Variants in MAP7 observed in about 807,000 individuals in gnomAD.
MAP7 encodes the protein microtubule associated protein 7.
In MAP7, 52 loss-of-function variants were observed where a neutral mutation model predicts 94.8. The observed-to-expected ratio is 0.55, with a 90% CI of 0.44 to 0.69. The LOEUF is 0.69. Among genes scored for constraint, MAP7 ranks in the 30% least tolerant of loss-of-function variants. The pLI is 0.00. For synonymous variants in MAP7, 350 were observed against 357.0 expected, an observed-to-expected ratio of 0.98 and a Z score of 0.22; for missense variants, 940 against 964.6, an observed-to-expected ratio of 0.97 and a Z score of 0.34.
At chr6:136,503,257 C>T (rs1820334942) in intron 1 of MAP7, among the ~76,000 whole-genome samples, 1 of 152,116 alleles carries the variant, frequency 6.6e-6, no homozygotes, top group Non-Finnish European at 1.5e-5. Flanking sequence ...ATGTACTTTG[C>T]TTTTTCTCTG....
Position 136,359,789 on chromosome 6 carries a change from T to A in MAP7, c.1912+31A>T, listed in dbSNP as rs776295535. On this transcript the variant is annotated intron_variant, in intron 15 of 17. Coordinates refer to ENST00000354570, the MANE Select transcript of MAP7 (RefSeq NM_003980.6). ...AGAGTCAATTTAAACATTTTATATA[T>A]AAATTGGTTTGAGTTCATTGACAGA... 4 of 1,593,374 alleles carry A rather than the reference T, an allele frequency of 2.5e-6. No individual in the cohort carries two copies. The South Asian group carries it at 4.5e-5, about 18-fold the overall frequency.
At chr6:136,447,568 G>A (rs575597871) in intron 1 of MAP7, among the ~76,000 whole-genome samples, 12 of 152,132 alleles carry the variant, frequency 7.9e-5, no homozygotes, top group African/African-American at 2.4e-4. Context: ...AGGAAAAAAT[G>A]TTTTAATATT....
chr6:136,354,997 G>A (rs1476949765), intron 16 of MAP7, among the ~76,000 whole-genome samples: 1 of 152,136 alleles, frequency 6.6e-6, no homozygotes, highest in African/African-American at 2.4e-5. Context: ...GCCAAGATGG[G>A]TGGATCACTT....
At chr6:136,522,771 C>T (rs1281949940) in intron 1 of MAP7, among the ~76,000 whole-genome samples, 2 of 152,200 alleles carry the variant, frequency 1.3e-5, no homozygotes, top group African/African-American at 4.8e-5. Context: ...GTGGCTCACG[C>T]CTGTAATCCC....
chr6:136,391,747 A>G (rs1384117707), intron 3 of MAP7, among the ~76,000 whole-genome samples: 1 of 152,168 alleles, frequency 6.6e-6, no homozygotes, highest in Non-Finnish European at 1.5e-5. Context: ...CACTGTGAGA[A>G]CACACTTTAA....
intron 1 of MAP7, among the ~76,000 whole-genome samples, chr6:136,428,474 C>A (rs1793913102): frequency 6.6e-6 from 1 of 152,064 alleles, no homozygotes; most frequent in South Asian, 2.1e-4. Context: ...GATCCGAGAT[C>A]CCGCCACTGC....
At chr6:136,417,097 C>T (rs1041912946) in intron 2 of MAP7, among the ~76,000 whole-genome samples, 16 of 152,094 alleles carry the variant, frequency 1.1e-4, no homozygotes, top group Admixed American at 3.3e-4. Context: ...CCAGCCTGGG[C>T]GACGGAGTGA....
chr6:136,379,947 C>T (rs550351168), intron 6 of MAP7, among the ~76,000 whole-genome samples: 4 of 152,058 alleles, frequency 2.6e-5, no homozygotes, highest in Admixed American at 1.3e-4. Context: ...ACAGAGCGTC[C>T]GTAAGATAAC....
At chr6:136,371,654 G>A (rs1211612752) in intron 8 of MAP7, among the ~76,000 whole-genome samples, 1 of 152,148 alleles carries the variant, frequency 6.6e-6, no homozygotes, top group Admixed American at 6.5e-5. Context: ...TCATCAAAAG[G>A]GTCATACTGT....
At chr6:136,475,977 A>T (rs1393701697) in intron 1 of MAP7, 1 of 152,210 alleles carries the variant, frequency 6.6e-6, no homozygotes, top group Admixed American at 6.5e-5. Flanking sequence ...ATTCTATGAA[A>T]CCATCAAATT....
intron 1 of MAP7, chr6:136,526,541 C>G (rs1164143044): frequency 1.0e-6 from 1 of 985,452 alleles, no homozygotes; most frequent in Non-Finnish European, 1.2e-6. Context: ...GCGGCTCCAT[C>G]TCCCCAGCTG....
intron 1 of MAP7, among the ~76,000 whole-genome samples, chr6:136,544,777 G>C (rs1006204207): frequency 2.0e-5 from 3 of 152,136 alleles, no homozygotes. Flanking sequence ...AAAGCAGAGA[G>C]GTTTTTTTCC....
intron 5 of MAP7, among the ~76,000 whole-genome samples, chr6:136,385,071 T>C (rs1017883675): frequency 6.6e-6 from 1 of 152,218 alleles, no homozygotes; most frequent in Admixed American, 6.5e-5. Flanking sequence ...AAAACAAAAA[T>C]ACTCCTTGTG....
At chr6:136,437,902 A>T (rs1481361412) in intron 1 of MAP7, among the ~76,000 whole-genome samples, 1 of 152,178 alleles carries the variant, frequency 6.6e-6, no homozygotes, top group East Asian at 1.9e-4. Flanking sequence ...ATTATTATAA[A>T]CCTTTATGAC....
intron 1 of MAP7, among the ~76,000 whole-genome samples, chr6:136,430,606 G>A (rs966073820): frequency 2.6e-5 from 4 of 152,062 alleles, no homozygotes; most frequent in South Asian, 2.1e-4. Context: ...TGTAAACTTC[G>A]TAAAATTTAA....
rs149293458 is a variant in MAP7 at position 136,501,674 on chromosome 6, T to A, written c.67+48668A>T. Among the ~76,000 whole-genome samples the A allele has an allele frequency of 7.2e-5, 11 of 152,282 alleles. No individual in the cohort carries two copies. In the East Asian group the frequency reaches 1.3e-3, roughly 19 times the overall value. On this transcript the variant is annotated intron_variant, in intron 1 of 17. Transcript: ENST00000354570. ...TGGCTTTTTTTATATATTGCACATG[T>A]CAAACTTAAGTTACGCAATGATCAG...
In MAP7 at chr6:136,395,615, C is replaced by A. The variant is rs79368089; in HGVS notation, c.245-6098G>T. On this transcript the variant is annotated intron_variant, in intron 3 of 17. Coordinates refer to ENST00000354570, the MANE Select transcript of MAP7 (RefSeq NM_003980.6). ...GTTGTCTTTGCTTTTGAGGTCTTAC[C>A]CCAAAACTCTTTGTTCAGACCAATG... Among the ~76,000 whole-genome samples, 974 of 151,894 alleles carry A rather than the reference C, an allele frequency of 6.4e-3. 8 individuals are homozygous for A. The highest frequency in any genetic ancestry group is 0.023 in the African/African-American group (938 of 41,416).
At chr6:136,352,288 C>T (rs1330386081) in intron 16 of MAP7, among the ~76,000 whole-genome samples, 4 of 151,432 alleles carry the variant, frequency 2.6e-5, no homozygotes, top group Admixed American at 6.6e-5. Context: ...CCTGAGCTCA[C>T]GCCATCCTCC....
At chr6:136,489,765 G>C (rs1815982821) in intron 1 of MAP7, among the ~76,000 whole-genome samples, 1 of 151,992 alleles carries the variant, frequency 6.6e-6, no homozygotes, top group African/African-American at 2.4e-5. Flanking sequence ...CTGACCCCAG[G>C]TGATCCACCC....
Sources: gnomAD v4.1 joint callset for allele counts (sites outside exome capture counted in the v4.1 genomes callset) on GRCh38, gnomAD v4.1.1 for gene constraint, MANE v1.5 for transcripts, NCBI Gene and HGNC (gene_info 2026-07-23, HGNC 2026-07-21) for gene names.